Variants in PRSS12 observed in about 807,000 individuals in gnomAD.
PRSS12 encodes serine protease 12, also known as neurotrypsin.
In PRSS12, 85 loss-of-function variants were observed where a neutral mutation model predicts 104.4. The observed-to-expected ratio is 0.81, with a 90% CI of 0.68 to 0.98. The LOEUF (loss-of-function observed/expected upper bound fraction) is 0.98. Among genes scored for constraint, PRSS12 ranks in the 50% least tolerant of loss-of-function variants. PRSS12 has a pLI of 0.00. For missense variants in PRSS12, 1,141 were observed against 1,139.2 expected, an observed-to-expected ratio of 1.00 and a Z score of -0.02; for synonymous variants, 454 against 425.2, an observed-to-expected ratio of 1.07 and a Z score of -0.83.
At chr4:118,351,522 A>G (rs1724504985) in intron 1 of PRSS12, among the ~76,000 whole-genome samples, 1 of 152,174 alleles carries the variant, frequency 6.6e-6, no homozygotes. Context: ...TAAAACATAT[A>G]AAGCTAAGTA....
At position 118,282,220 on chromosome 4, in the gene PRSS12, G is replaced by A. The variant is rs753820445; in HGVS notation, c.2344C>T (p.Gln782Ter). ...DTGRAYSRTL[Q>*]QAAIPLLPKR... ...GGAAGTAAGGGAATGGCTGCTTGTT[G>A]TAGTGTTCTTGAATAGGCTCGTCCT... The change falls in exon 13 of 13, where the codon CAA becomes TAA. Residue 782 changes from glutamine to a stop codon, truncating the protein, a stop_gained. Transcript: ENST00000296498. LOFTEE classifies it high-confidence loss of function. 6.2e-7 allele frequency: 1 copy of A among 1,614,194 alleles called. No homozygotes were observed. Among genetic ancestry groups the A allele is most frequent in the Admixed American group, 1.7e-5 (1 of 60,024 alleles).
rs1396173459 is a variant in PRSS12, at chr4:118,280,450, A to T, written c.*1486T>A. ...TTATATGCAGCATTGCAAATCTGCA[A>T]AGTAGTAAAACTATAAAGCACCTTT... On this transcript the variant is annotated 3_prime_UTR_variant, in exon 13 of 13. Coordinates refer to ENST00000296498, the MANE Select transcript of PRSS12 (RefSeq NM_003619.4). 6.6e-6 allele frequency: 1 copy of T among 152,272 alleles called. No individual in the cohort carries two copies. The highest frequency in any genetic ancestry group is 1.5e-5 in the Non-Finnish European group (1 of 68,048). The allele number at this position is 152,272 out of a possible 1,614,324, so 9.4% of individuals were successfully genotyped here.
At position 118,282,990 on chromosome 4, in the gene PRSS12, C is replaced by T. The variant is rs201656858; in HGVS notation, c.2161G>A (p.Asp721Asn). Reference protein sequence around the residue: ...QIVIHREYRPDRSDYDIALVR... With the variant: ...QIVIHREYRPNRSDYDIALVR... ...AGGGCTATGTCATAATCACTGCGGT[C>T]GGGTCGATACTCCCGATGAATCACA... The change falls in exon 12 of 13, where the codon GAC (aspartate) becomes AAC (asparagine). Residue 721 changes from aspartate (D) to asparagine (N), a missense_variant. Physicochemically the swap from Asp to Asn is conservative, Grantham distance 23. Coordinates refer to ENST00000296498, the MANE Select transcript of PRSS12 (RefSeq NM_003619.4). 25 of 1,613,980 alleles carry T rather than the reference C, an allele frequency of 1.5e-5. No individual in the cohort carries two copies. The highest frequency in any genetic ancestry group is 1.1e-4 in the African/African-American group (8 of 74,882).
intron 7 of PRSS12, among the ~76,000 whole-genome samples, chr4:118,311,481 T>C (rs142986622): frequency 1.3e-5 from 2 of 152,330 alleles, no homozygotes; most frequent in East Asian, 3.9e-4. Context: ...CTGTTATTTA[T>C]ATTGTTATCC....
intron 1 of PRSS12, among the ~76,000 whole-genome samples, chr4:118,338,943 TG>T (rs1406570165): frequency 1.3e-5 from 2 of 152,152 alleles, no homozygotes; most frequent in Non-Finnish European, 2.9e-5. Flanking sequence ...ATGCTAGTCT[TG>T]GAAAAATAGC....
At chr4:118,326,266 C>G (rs1311277795) in intron 4 of PRSS12, among the ~76,000 whole-genome samples, 1 of 152,188 alleles carries the variant, frequency 6.6e-6, no homozygotes, top group Non-Finnish European at 1.5e-5. Flanking sequence ...AGATTACTCT[C>G]TAGAAAACAA....
intron 3 of PRSS12, among the ~76,000 whole-genome samples, chr4:118,333,571 G>C (rs192934717): frequency 1.3e-5 from 2 of 152,242 alleles, no homozygotes; most frequent in Admixed American, 1.3e-4. Flanking sequence ...CACAAATTAT[G>C]ATGTTTATTT....
chr4:118,292,066 T>A (rs1347791486), intron 11 of PRSS12, among the ~76,000 whole-genome samples: 2 of 152,222 alleles, frequency 1.3e-5, no homozygotes, highest in East Asian at 3.9e-4. Context: ...TCCTAGTTTT[T>A]TTTTTAGAAG....
chr4:118,343,969 C>A (rs953101053), intron 1 of PRSS12, among the ~76,000 whole-genome samples: 3 of 152,038 alleles, frequency 2.0e-5, no homozygotes, highest in Admixed American at 6.6e-5. Context: ...CACGTTTTCA[C>A]ACAAATCCTT....
intron 4 of PRSS12, among the ~76,000 whole-genome samples, chr4:118,326,690 T>C (rs1723779627): frequency 6.6e-6 from 1 of 152,234 alleles, no homozygotes; most frequent in Non-Finnish European, 1.5e-5. Flanking sequence ...CTCGCCATTT[T>C]ACAAATAATG....
intron 1 of PRSS12, among the ~76,000 whole-genome samples, chr4:118,347,291 G>A (rs942948003): frequency 1.3e-5 from 2 of 152,148 alleles, no homozygotes; most frequent in Non-Finnish European, 2.9e-5. Flanking sequence ...ACAGCTTTCA[G>A]CTAACTTTTT....
chr4:118,338,436 A>G lies in PRSS12; in HGVS notation c.503-122T>C, dbSNP rs993895550. ...GTAAGGGATCCAGGCAGAATGATTT[A>G]GCCTCCACTGTGTGTGGCATGTGTT... On this transcript the variant is annotated intron_variant, in intron 1 of 12. Coordinates refer to ENST00000296498, the MANE Select transcript of PRSS12 (RefSeq NM_003619.4). 15 of 1,248,144 alleles carry G rather than the reference A, an allele frequency of 1.2e-5. No individual in the cohort carries two copies. The African/African-American group carries it at 2.2e-4, about 19-fold the overall frequency. The allele number at this position is 1,248,144 out of a possible 1,614,324, so 77.3% of individuals were successfully genotyped here. A position where few individuals can be genotyped will look rare whatever the true frequency, so the allele number is the denominator to read the frequency against.
intron 2 of PRSS12, among the ~76,000 whole-genome samples, chr4:118,337,273 T>C (rs1055033539): frequency 1.3e-5 from 2 of 152,200 alleles, no homozygotes; most frequent in Non-Finnish European, 2.9e-5. Flanking sequence ...TGTATTTTTT[T>C]AATAACAAAA....
At chr4:118,335,413 C>G (rs1425034217) in intron 3 of PRSS12, 60 bp downstream of exon 3, 12 of 1,576,740 alleles carry the variant, frequency 7.6e-6, no homozygotes, top group Admixed American at 1.7e-5. Flanking sequence ...CTTTCATCAT[C>G]TGGAATCACG....
intron 1 of PRSS12, among the ~76,000 whole-genome samples, chr4:118,341,135 G>A (rs1259405911): frequency 6.6e-6 from 1 of 152,090 alleles, no homozygotes; most frequent in African/African-American, 2.4e-5. Context: ...GGCCCACCTT[G>A]GAAAAGAGGA....
At position 118,293,658 on chromosome 4, in the gene PRSS12, T is replaced by C. The variant is rs745958580; in HGVS notation, c.2039+1281A>G. On this transcript the variant is annotated intron_variant, in intron 11 of 12. Coordinates refer to ENST00000296498, the MANE Select transcript of PRSS12 (RefSeq NM_003619.4). ...AAAGAATTCATGAAAGAGGAAGACA[T>C]TGGTCAGGGAAATACAATTAAAAAG... Among the ~76,000 whole-genome samples, 106 of 152,136 alleles carry C rather than the reference T, an allele frequency of 7.0e-4. 1 individual carries two copies. The highest frequency in any genetic ancestry group is 2.5e-3 in the African/African-American group (104 of 41,520).
At chr4:118,299,030 T>C (rs1435685838) in intron 8 of PRSS12, 92 bp from the exon 9 acceptor site, 3 of 1,394,896 alleles carry the variant, frequency 2.2e-6, no homozygotes, top group Non-Finnish European at 3.0e-6. Flanking sequence ...TCCTTAATTT[T>C]TACATATTAA....
chr4:118,351,322 T>C (rs923117804), intron 1 of PRSS12, among the ~76,000 whole-genome samples: 1 of 152,002 alleles, frequency 6.6e-6, no homozygotes, highest in Non-Finnish European at 1.5e-5. Context: ...ACTTTGAGGA[T>C]ATTTTTTCTT....
chr4:118,346,459 TA>T (rs112884372), intron 1 of PRSS12, among the ~76,000 whole-genome samples: 2 of 10,120 alleles, frequency 2.0e-4, no homozygotes, highest in Non-Finnish European at 8.5e-3. Context: ...CTTTCCTATT[TA>T]TATATATATA....
Sources: allele counts gnomAD v4.1 joint callset (sites outside exome capture counted in the v4.1 genomes callset), GRCh38; gene constraint gnomAD v4.1.1; transcripts MANE v1.5; gene names NCBI Gene and HGNC (gene_info 2026-07-23, HGNC 2026-07-21).